Variants in DNAH11 observed in about 807,000 individuals in gnomAD.
DNAH11 encodes the protein axonemal beta dynein heavy chain 11.
In DNAH11, 442 loss-of-function variants were observed where a neutral mutation model predicts 526.0. That is an observed-to-expected ratio of 0.84 (90% CI 0.78 to 0.91). The LOEUF is 0.91. Ranked by LOEUF, DNAH11 falls within the 40% of genes least tolerant of loss-of-function variation. The probability of loss-of-function intolerance (pLI) is 0.00; values close to 1 mark genes in which losing one functional copy is unlikely to be tolerated. For missense variants in DNAH11, 6,989 were observed against 5,448.7 expected (o/e 1.28, Z -8.90); for synonymous variants, 2,461 against 1,935.9 (o/e 1.27, Z -7.12).
intron 39 of DNAH11, 139 bp downstream of exon 39, chr7:21,705,676 A>G (rs1260158169): frequency 2.7e-6 from 2 of 750,780 alleles, no homozygotes. Context: ...CTGAGACTGG[A>G]ATCTTGCTGC....
At position 21,833,593 on chromosome 7, in the gene DNAH11, G is replaced by C. The variant is rs186916393; in HGVS notation, c.10692-8951G>C. On this transcript the variant is annotated intron_variant, in intron 65 of 81. Transcript: ENST00000409508. ...ACCTGTAATCACAGCTACTGGGGAG[G>C]CTGAGGCAGGAGAATCGCTTGAACC... Among the ~76,000 whole-genome samples the C allele has an allele frequency of 1.5e-3, 227 of 152,238 alleles. 2 individuals are homozygous for C. The highest frequency in any genetic ancestry group is 5.2e-3 in the African/African-American group (216 of 41,544).
intron 61 of DNAH11, among the ~76,000 whole-genome samples, chr7:21,792,428 GT>G (rs1788515067): frequency 1.3e-5 from 2 of 152,208 alleles, no homozygotes. Context: ...TCAAATGAGT[GT>G]GGAAGTATTC....
rs1782749955 is a variant in DNAH11 at position 21,854,338 on chromosome 7, A to G, written c.11085A>G (p.Glu3695=). 3 of 1,613,736 alleles carry G rather than the reference A, an allele frequency of 1.9e-6. No individual in the cohort carries two copies. Among genetic ancestry groups the G allele is most frequent in the Non-Finnish European group, 2.5e-6 (3 of 1,179,860 alleles). ...EHKVIEAKEN[E]RKINEARECY... ...AGGTGATTGAAGCCAAAGAAAATGA[A>G]AGAAAAATCAACGAGGCCCGAGAAT... The change falls in exon 68 of 82, where the codon GAA becomes GAG. Residue 3695 remains glutamate (E), a synonymous_variant. Coordinates refer to ENST00000409508, the MANE Select transcript of DNAH11 (RefSeq NM_001277115.2).
chr7:21,747,459 T>C (rs930925166), intron 51 of DNAH11, among the ~76,000 whole-genome samples: 1 of 152,200 alleles, frequency 6.6e-6, no homozygotes, highest in Admixed American at 6.5e-5. Flanking sequence ...TGGCATCAAA[T>C]TTGGGGTGTT....
chr7:21,866,351 A>C, intron 70 of DNAH11, 119 bp from the exon 71 acceptor site: 2 of 794,668 alleles, frequency 2.5e-6, no homozygotes, highest in Non-Finnish European at 3.7e-6. Flanking sequence ...TCTGAAGAGG[A>C]GAGTGAATAC....
intron 8 of DNAH11, among the ~76,000 whole-genome samples, chr7:21,573,087 T>C (rs12673820): frequency 0.47 from 71,609 of 152,012 alleles, 17,462 homozygotes; most frequent in East Asian, 0.76. Context: ...GATTTTGTTA[T>C]AATTACAAAA....
rs1287310818 is a variant in DNAH11, at chr7:21,600,074, C to G, written c.2955C>G (p.Ala985=). 6.3e-7 allele frequency: 1 copy of G among 1,582,500 alleles called. No homozygotes were observed. The highest frequency in any genetic ancestry group is 1.3e-5 in the African/African-American group (1 of 74,134). The part of the protein sequence containing the change: ...EMLCNSFRMS[A]QMNRIATHLE... ...TATGCAATAGTTTTAGAATGTCTGCCCAGATGAACCGAATAGCAACACACC... is the reference window on the plus strand; with the variant it reads ...TATGCAATAGTTTTAGAATGTCTGCGCAGATGAACCGAATAGCAACACACC... Residue 985 remains alanine (A), a synonymous_variant, in exon 15 of 82, where the codon GCC becomes GCG. Transcript: ENST00000409508.
chr7:21,644,932 AATG>A (rs1368775728), intron 28 of DNAH11, among the ~76,000 whole-genome samples: 3 of 152,364 alleles, frequency 2.0e-5, no homozygotes, highest in African/African-American at 7.2e-5. Flanking sequence ...ATCTTCTCAA[AATG>A]ATGAATATGT....
intron 25 of DNAH11, among the ~76,000 whole-genome samples, chr7:21,622,106 G>A (rs547809241): frequency 0.035 from 5,292 of 152,120 alleles, 284 homozygotes; most frequent in African/African-American, 0.12. Flanking sequence ...AAGCTGATAA[G>A]CAACTTCAGC....
At chr7:21,732,475 A>G (rs1785424244) in intron 45 of DNAH11, among the ~76,000 whole-genome samples, 2 of 152,184 alleles carry the variant, frequency 1.3e-5, no homozygotes, top group Admixed American at 1.3e-4. Context: ...ACACAATATT[A>G]TCAGCCTGTA....
In DNAH11 at chr7:21,852,592, G is replaced by A. The variant is rs774285024; in HGVS notation, c.11022G>A (p.Leu3674=). ...FLDDTKLVER[L]EATKTTVAEI... is the part of the protein sequence containing the mutation. ...ATGACACCAAACTGGTAGAGAGATT[G>A]GAGGCAACAAAGACCACCGTGGCAG... Residue 3674 remains leucine, a synonymous_variant, in exon 67 of 82, where the codon TTG becomes TTA. Coordinates refer to ENST00000409508, the MANE Select transcript of DNAH11 (RefSeq NM_001277115.2). 4 of 1,605,456 alleles carry A rather than the reference G, an allele frequency of 2.5e-6. No homozygotes were observed. Among genetic ancestry groups the A allele is most frequent in the Non-Finnish European group, 3.4e-6 (4 of 1,177,354 alleles).
chr7:21,570,032 A>G lies in DNAH11; in HGVS notation c.1195-37A>G. 2.0e-6 allele frequency: 3 copies of G among 1,469,374 alleles called. No homozygotes were observed. The South Asian group carries it at 3.9e-5, about 19-fold the overall frequency. The allele number at this position is 1,469,374 out of a possible 1,614,324, so 91.0% of individuals were successfully genotyped here. On this transcript the variant is annotated intron_variant, in intron 6 of 81. Transcript: ENST00000409508. ...CGGTTACAGGGAAAAACTGTTAAAC[A>G]TAGTTTTGATCATTGTTCCCTTTCA...
At chr7:21,810,091 A>G (rs1353486692) in intron 63 of DNAH11, among the ~76,000 whole-genome samples, 1 of 152,238 alleles carries the variant, frequency 6.6e-6, no homozygotes, top group Non-Finnish European at 1.5e-5. Flanking sequence ...AAAGATTTTT[A>G]AAAGACTACT....
rs111808223 is a variant in DNAH11, at chr7:21,714,885, C to G, written c.6984-2890C>G. On this transcript the variant is annotated intron_variant, in intron 42 of 81. Transcript: ENST00000409508. ...AAGTCTGATTACAAAAGACTAGATA[C>G]TTCTAGATGACTCTTGGAAGCCACA... Among the ~76,000 whole-genome samples the G allele has an allele frequency of 4.2e-3, 636 of 152,304 alleles. 8 individuals are homozygous for G. Among genetic ancestry groups the G allele is most frequent in the African/African-American group, 0.015 (609 of 41,560 alleles).
chr7:21,776,793 T>G (rs1541357), intron 56 of DNAH11, among the ~76,000 whole-genome samples: 1 of 152,040 alleles, frequency 6.6e-6, no homozygotes, highest in African/African-American at 2.4e-5. Flanking sequence ...CAGAAGAAAT[T>G]ACAAAGCATA....
At chr7:21,864,718 G>A (rs73685318) in intron 70 of DNAH11, 61 bp downstream of exon 70, 3 of 1,459,822 alleles carry the variant, frequency 2.1e-6, no homozygotes, top group Non-Finnish European at 1.8e-6. Context: ...GCTCTCTCCA[G>A]TGTTGAAATG....
chr7:21,789,671 T>G (rs764690370), intron 61 of DNAH11, among the ~76,000 whole-genome samples: 1 of 152,176 alleles, frequency 6.6e-6, no homozygotes, highest in Non-Finnish European at 1.5e-5. Context: ...CTCCACTGTT[T>G]ACTGTTGCAT....
intron 34 of DNAH11, among the ~76,000 whole-genome samples, chr7:21,689,209 A>G (rs1783511437): frequency 6.6e-6 from 1 of 152,140 alleles, no homozygotes; most frequent in Admixed American, 6.5e-5. Flanking sequence ...GCTATATTTT[A>G]TCTAGCTTTT....
At chr7:21,802,738 T>C (rs1264994408) in intron 62 of DNAH11, among the ~76,000 whole-genome samples, 2 of 151,832 alleles carry the variant, frequency 1.3e-5, no homozygotes, top group African/African-American at 4.8e-5. Context: ...GTATGTGATA[T>C]CATGTGATAC....
Sources: gnomAD v4.1 joint callset for allele counts (sites outside exome capture counted in the v4.1 genomes callset) on GRCh38, gnomAD v4.1.1 for gene constraint, MANE v1.5 for transcripts, NCBI Gene and HGNC (gene_info 2026-07-23, HGNC 2026-07-21) for gene names.